HEATR4: variants seen among roughly 807,000 people sequenced by gnomAD.
The protein encoded by HEATR4 is HEAT repeat containing 4.
HEATR4 carries 95 observed loss-of-function variants against 108.8 expected under a neutral mutation model. The observed-to-expected ratio is 0.87, with a 90% CI of 0.74 to 1.04. HEATR4 has a LOEUF of 1.04. HEATR4 is among the 50% of genes least tolerant of loss of function. The probability of loss-of-function intolerance (pLI) is 0.00; values close to 1 mark genes in which losing one functional copy is unlikely to be tolerated. For missense variants in HEATR4, 1,152 were observed against 1,253.8 expected (o/e 0.92, Z 1.23); for synonymous variants, 443 against 459.4 (o/e 0.96, Z 0.46).
the HEATR4 span, chr14:73,595,155 G>T: frequency 6.2e-7 from 1 of 1,614,230 alleles, no homozygotes; most frequent in Non-Finnish European, 8.5e-7. Flanking sequence ...TCCATCAATG[G>T]ATCTGGGATC....
the HEATR4 span, among the ~76,000 whole-genome samples, chr14:73,564,724 T>C: frequency 1.4e-5 from 1 of 69,260 alleles, no homozygotes; most frequent in Non-Finnish European, 2.4e-5. Context: ...CTTTTCTGTT[T>C]TTTGTTTTTT....
chr14:73,573,303 T>G, the HEATR4 span: 267 of 1,588,678 alleles, frequency 1.7e-4, 2 homozygotes, highest in African/African-American at 2.9e-3. Flanking sequence ...CTGGGTCACA[T>G]GTGTGGTAAG....
At chr14:73,515,165 C>T (rs188530161) in intron 5 of HEATR4, among the ~76,000 whole-genome samples, 46 of 151,844 alleles carry the variant, frequency 3.0e-4, no homozygotes, top group African/African-American at 1.1e-3. Context: ...AGAAAAAAAG[C>T]TCTATGGAGA....
At chr14:73,616,936 T>C in the HEATR4 span, 1 of 592,534 alleles carries the variant, frequency 1.7e-6, no homozygotes, top group African/African-American at 1.9e-5. Flanking sequence ...AAAACTTGTT[T>C]GCTTACTGTC....
the HEATR4 span, among the ~76,000 whole-genome samples, chr14:73,571,004 G>A: frequency 2.8e-5 from 4 of 142,820 alleles, no homozygotes; most frequent in African/African-American, 7.9e-5. Flanking sequence ...TAAGAATTCC[G>A]ACTGGTTTTC....
At chr14:73,593,794 G>C in the HEATR4 span, 22 of 1,613,926 alleles carry the variant, frequency 1.4e-5, no homozygotes, top group Non-Finnish European at 1.7e-5. Flanking sequence ...CCATGGCTTT[G>C]CCACGTTGGC....
At chr14:73,489,664 C>T (rs1885596013) in intron 17 of HEATR4, among the ~76,000 whole-genome samples, 1 of 152,202 alleles carries the variant, frequency 6.6e-6, no homozygotes. Context: ...TCAAAAATTA[C>T]ACCCGCATGC....
the HEATR4 span, among the ~76,000 whole-genome samples, chr14:73,609,149 A>T: frequency 2.6e-5 from 4 of 152,168 alleles, no homozygotes; most frequent in Admixed American, 2.6e-4. Context: ...TATTGATTGT[A>T]TGGGGGAGAC....
chr14:73,575,630 CATT>C, the HEATR4 span: 3 of 1,545,746 alleles, frequency 1.9e-6, no homozygotes, highest in Non-Finnish European at 2.6e-6. Context: ...TTTTTCCCCT[CATT>C]ATTAAAATGA....
the HEATR4 span, among the ~76,000 whole-genome samples, chr14:73,621,983 C>T: frequency 4.9e-4 from 75 of 151,876 alleles, no homozygotes; most frequent in Non-Finnish European, 8.2e-4. Flanking sequence ...GGCTGGTCTC[C>T]AACTCCTGGG....
At chr14:73,504,495 G>A (rs908535724) in intron 10 of HEATR4, among the ~76,000 whole-genome samples, 1 of 152,020 alleles carries the variant, frequency 6.6e-6, no homozygotes, top group Non-Finnish European at 1.5e-5. Context: ...GCCCTCCTTG[G>A]CCTCCCAAAG....
In HEATR4 at chr14:73,551,723, G is replaced by A. The variant is rs1243857665; in HGVS notation, c.-152+7028C>T. On this transcript the variant is annotated intron_variant, in intron 1 of 17. Coordinates refer to ENST00000553558, the MANE Select transcript of HEATR4 (RefSeq NM_001220484.1). ...CTCAGGAGGCTGAGGCAGGAGAATC[G>A]CTTGAACCCCAGGAGGCCGAGGTTG... Among the ~76,000 whole-genome samples the A allele has an allele frequency of 8.2e-5, 9 of 109,264 alleles. 2 individuals carry two copies. In the East Asian group the frequency reaches 2.9e-3, roughly 36 times the overall value. The allele number at this position is 109,264 out of a possible 152,430, so 71.7% of individuals were successfully genotyped here.
chr14:73,516,417 A>C, intron 5 of HEATR4, among the ~76,000 whole-genome samples: 1 of 121,182 alleles, frequency 8.3e-6, no homozygotes, highest in African/African-American at 3.5e-5. Context: ...TGAAGAGATG[A>C]GAAGTAGCTG....
intron 6 of HEATR4, 37 bp from the exon 7 acceptor site, chr14:73,512,186 T>C (rs769698639): frequency 1.2e-6 from 2 of 1,611,642 alleles, no homozygotes; most frequent in Admixed American, 1.7e-5. Flanking sequence ...GAGAACCACC[T>C]GGTTAGGGTT....
chr14:73,601,426 T>C, the HEATR4 span, among the ~76,000 whole-genome samples: 1 of 152,114 alleles, frequency 6.6e-6, no homozygotes, highest in Non-Finnish European at 1.5e-5. Flanking sequence ...TAGCTGGGCA[T>C]GGTGGCGCAC....
intron 17 of HEATR4, chr14:73,491,309 G>A (rs1452647918): frequency 5.3e-6 from 8 of 1,517,570 alleles, no homozygotes; most frequent in African/African-American, 1.4e-5. Context: ...AGAGCCATAC[G>A]GCCACCTGGG....
At chr14:73,619,346 T>C in the HEATR4 span, 3 of 1,614,066 alleles carry the variant, frequency 1.9e-6, no homozygotes, top group Admixed American at 1.7e-5. Flanking sequence ...AATGCCTGTG[T>C]AGCCAACACA....
At chr14:73,523,879 G>A (rs993699638) in intron 2 of HEATR4, among the ~76,000 whole-genome samples, 1 of 152,064 alleles carries the variant, frequency 6.6e-6, no homozygotes, top group African/African-American at 2.4e-5. Context: ...ATGATACCTC[G>A]CATTGTTAAA....
the HEATR4 span, among the ~76,000 whole-genome samples, chr14:73,599,367 C>G: frequency 6.6e-6 from 1 of 152,140 alleles, no homozygotes; most frequent in Admixed American, 6.6e-5. Context: ...CACCCTAAAA[C>G]AGCAGCTTAA....
Sources: allele counts gnomAD v4.1 joint callset (sites outside exome capture counted in the v4.1 genomes callset), GRCh38; gene constraint gnomAD v4.1.1; transcripts MANE v1.5; gene names NCBI Gene and HGNC (gene_info 2026-07-23, HGNC 2026-07-21).